The following SAMD8 variants were observed in gnomAD, a reference collection of about 807,000 sequenced individuals.
SAMD8 encodes the protein sphingomyelin synthase-related protein 1.
SAMD8 carries 20 observed loss-of-function variants against 42.0 expected under a neutral mutation model. That is an observed-to-expected ratio of 0.48 (90% CI 0.34 to 0.69). The LOEUF (loss-of-function observed/expected upper bound fraction) is 0.69, where lower values mean the gene tolerates loss of function less well. SAMD8 is among the 30% of genes least tolerant of loss of function. The pLI is 0.01. For synonymous variants in SAMD8, 162 were observed against 173.0 expected (o/e 0.94, Z 0.50); for missense variants, 328 against 511.6 (o/e 0.64, Z 3.46).
chr10:75,121,423 C>A (rs994705807), intron 1 of SAMD8, among the ~76,000 whole-genome samples: 1 of 152,190 alleles, frequency 6.6e-6, no homozygotes, highest in Non-Finnish European at 1.5e-5. Context: ...CTAGATCTCT[C>A]AGGTCACTTC....
At chr10:75,171,785 G>T (rs1840874060) in intron 4 of SAMD8, among the ~76,000 whole-genome samples, 1 of 152,180 alleles carries the variant, frequency 6.6e-6, no homozygotes, top group South Asian at 2.1e-4. Flanking sequence ...AGCACTTTGG[G>T]AGTCCAAGGT....
At chr10:75,102,469 GA>G (rs914291581) in intron 1 of SAMD8, among the ~76,000 whole-genome samples, 2 of 151,932 alleles carry the variant, frequency 1.3e-5, no homozygotes, top group Admixed American at 1.3e-4. Flanking sequence ...AAAACAAAAA[GA>G]AAAAAAGAGA....
intron 2 of SAMD8, among the ~76,000 whole-genome samples, chr10:75,158,241 CAA>C (rs905280408): frequency 6.6e-6 from 1 of 151,442 alleles, no homozygotes; most frequent in Non-Finnish European, 1.5e-5. Flanking sequence ...AATAAAAAAA[CAA>C]AGCATAGTGG....
At chr10:75,172,880 C>T (rs1021304931) in intron 4 of SAMD8, among the ~76,000 whole-genome samples, 1 of 152,068 alleles carries the variant, frequency 6.6e-6, no homozygotes, top group Non-Finnish European at 1.5e-5. Flanking sequence ...GTGCTCTTTC[C>T]ATCTCCACCT....
chr10:75,100,426 C>A (rs529544747), intron 1 of SAMD8, among the ~76,000 whole-genome samples: 6 of 152,334 alleles, frequency 3.9e-5, no homozygotes, highest in Admixed American at 2.0e-4. Context: ...GCCACCCCCC[C>A]AGGGACTCGT....
At chr10:75,157,273 T>A (rs1840433764) in intron 2 of SAMD8, among the ~76,000 whole-genome samples, 1 of 149,894 alleles carries the variant, frequency 6.7e-6, no homozygotes, top group Non-Finnish European at 1.5e-5. Flanking sequence ...ACAGAGAAAT[T>A]GGAGACATAT....
chr10:75,131,863 C>T (rs1425332039), intron 1 of SAMD8, among the ~76,000 whole-genome samples: 2 of 152,176 alleles, frequency 1.3e-5, no homozygotes, highest in East Asian at 3.9e-4. Context: ...CTTGGCATCT[C>T]AAGCCTCACT....
chr10:75,153,336 A>G (rs1014240215), intron 2 of SAMD8, among the ~76,000 whole-genome samples: 2 of 151,892 alleles, frequency 1.3e-5, no homozygotes, highest in Non-Finnish European at 2.9e-5. Context: ...TTTGCTGGGC[A>G]TTAGGGCTCA....
intron 1 of SAMD8, among the ~76,000 whole-genome samples, chr10:75,122,261 T>G (rs1225901587): frequency 6.6e-6 from 1 of 152,178 alleles, no homozygotes; most frequent in Admixed American, 6.5e-5. Context: ...ACATATACCA[T>G]ATTTGCTATT....
At chr10:75,160,177 G>A (rs1840523254) in intron 2 of SAMD8, among the ~76,000 whole-genome samples, 1 of 152,040 alleles carries the variant, frequency 6.6e-6, no homozygotes, top group Non-Finnish European at 1.5e-5. Flanking sequence ...TCATAGTGAT[G>A]ACTCTAAATT....
intron 1 of SAMD8, among the ~76,000 whole-genome samples, chr10:75,102,311 T>C (rs914260652): frequency 5.1e-4 from 78 of 151,782 alleles, no homozygotes; most frequent in African/African-American, 1.7e-3. Flanking sequence ...GGCGTGGTGG[T>C]GGATGCCTGT....
At chr10:75,129,045 A>C (rs1849213812) in intron 1 of SAMD8, among the ~76,000 whole-genome samples, 1 of 152,236 alleles carries the variant, frequency 6.6e-6, no homozygotes, top group East Asian at 1.9e-4. Context: ...CCTAAAAAAA[A>C]ACCATCTCAA....
chr10:75,138,080 C>T (rs781648622), intron 1 of SAMD8, among the ~76,000 whole-genome samples: 3 of 151,996 alleles, frequency 2.0e-5, no homozygotes, highest in Non-Finnish European at 4.4e-5. Flanking sequence ...TCCCATTTCA[C>T]CATCTGTTTT....
upstream of SAMD8, chr10:75,111,415 TC>T: frequency 1.1e-6 from 1 of 898,730 alleles, no homozygotes; most frequent in Non-Finnish European, 1.5e-6. Context: ...ATCTGGAGCC[TC>T]GCGTCTTTTC....
chr10:75,133,563 G>A (rs999394190), intron 1 of SAMD8, among the ~76,000 whole-genome samples: 5 of 152,174 alleles, frequency 3.3e-5, no homozygotes, highest in African/African-American at 1.2e-4. Flanking sequence ...CTAAGTGTCC[G>A]TCTACAGATA....
chr10:75,101,394 A>G (rs1848148700), intron 1 of SAMD8, among the ~76,000 whole-genome samples: 1 of 152,190 alleles, frequency 6.6e-6, no homozygotes, highest in East Asian at 1.9e-4. Flanking sequence ...AGCCCCAGCC[A>G]TATCCTATGT....
chr10:75,108,148 C>T (rs773999681), upstream of SAMD8: 17 of 1,612,872 alleles, frequency 1.1e-5, no homozygotes, highest in Admixed American at 1.0e-4. Flanking sequence ...CCCTTGTGGG[C>T]GGCGTTCAGC....
chr10:75,101,964 A>G (rs1848188701), intron 1 of SAMD8: 1 of 1,367,112 alleles, frequency 7.3e-7, no homozygotes, highest in Non-Finnish European at 9.8e-7. Flanking sequence ...TGCTGTTTCT[A>G]TTTTTTGATT....
intron 1 of SAMD8, among the ~76,000 whole-genome samples, chr10:75,118,709 AT>A: frequency 6.6e-6 from 1 of 152,234 alleles, no homozygotes; most frequent in Non-Finnish European, 1.5e-5. Context: ...TGTTTGCTGA[AT>A]GAAAATGTTT....
Sources: allele counts gnomAD v4.1 joint callset (sites outside exome capture counted in the v4.1 genomes callset), GRCh38; gene constraint gnomAD v4.1.1; transcripts MANE v1.5; gene names NCBI Gene and HGNC (gene_info 2026-07-23, HGNC 2026-07-21).